The following NALCN variants were observed in gnomAD, a reference collection of about 807,000 sequenced individuals.
NALCN encodes sodium leak channel NALCN.
A neutral mutation model predicts 225.3 loss-of-function variants in NALCN; 111 were observed. The observed-to-expected ratio is 0.49, with a 90% CI of 0.42 to 0.58. The LOEUF (loss-of-function observed/expected upper bound fraction) is 0.58, where lower values mean the gene tolerates loss of function less well. Among genes scored for constraint, NALCN ranks in the 20% least tolerant of loss-of-function variants. NALCN has a pLI of 0.00. For synonymous variants in NALCN, 764 were observed against 769.0 expected, an observed-to-expected ratio of 0.99 and a Z score of 0.11; for missense variants, 1,378 against 2,202.4, an observed-to-expected ratio of 0.63 and a Z score of 7.49.
At chr13:101,099,804 C>T (rs2034708358) in intron 27 of NALCN, among the ~76,000 whole-genome samples, 1 of 152,266 alleles carries the variant, frequency 6.6e-6, no homozygotes, top group East Asian at 1.9e-4. Context: ...CTGTTATCTC[C>T]AGCTCATTGA....
chr13:101,298,643 G>A (rs774111038), intron 7 of NALCN, among the ~76,000 whole-genome samples: 4 of 152,192 alleles, frequency 2.6e-5, no homozygotes, highest in Non-Finnish European at 5.9e-5. Context: ...AATGAAAAAA[G>A]AGAGCGATGA....
intron 15 of NALCN, among the ~76,000 whole-genome samples, chr13:101,159,965 T>TTTA (rs1357404100): frequency 2.0e-5 from 3 of 151,750 alleles, no homozygotes. Flanking sequence ...TTTATTTTAT[T>TTTA]TTATTTTGAG....
Position 101,327,127 on chromosome 13 carries a change from G to A in NALCN, c.799+18139C>T, listed in dbSNP as rs375630743. Among the ~76,000 whole-genome samples, 5 of 152,126 alleles carry A rather than the reference G, an allele frequency of 3.3e-5. No individual in the cohort carries two copies. The East Asian group carries it at 7.7e-4, about 23-fold the overall frequency. On this transcript the variant is annotated intron_variant, in intron 7 of 43. Transcript: ENST00000251127. ...AGGGAGGCAATGTCACATGGCAAAT[G>A]GGTTATGTGTCCAGAGAAGCGACGA...
At chr13:101,360,189 CCTCTCTCTCTCTCTCTCT>C (rs759523803) in intron 6 of NALCN, among the ~76,000 whole-genome samples, 1,003 of 89,322 alleles carry the variant, frequency 0.011, 11 homozygotes, top group African/African-American at 0.036. Context: ...TTCCTCTCTT[CCTCTCTCTCTCTCTCTCT>C]CTCTCTCTCT....
At chr13:101,387,767 T>A (rs193018911) in intron 3 of NALCN, among the ~76,000 whole-genome samples, 1 of 152,298 alleles carries the variant, frequency 6.6e-6, no homozygotes, top group East Asian at 1.9e-4. Flanking sequence ...CTGAAAGGTA[T>A]AGAACTTCGA....
intron 11 of NALCN, 41 bp from the exon 12 acceptor site, chr13:101,237,963 A>G (rs2041623552): frequency 3.9e-6 from 6 of 1,533,232 alleles, no homozygotes; most frequent in South Asian, 2.4e-5. Context: ...ATTCAGAACT[A>G]TAATTTATTC....
At position 101,143,091 on chromosome 13, in the gene NALCN, T is replaced by C. The variant is rs983683922; in HGVS notation, c.2107A>G (p.Ile703Val). The C allele has an allele frequency of 3.1e-6, 5 of 1,613,982 alleles. No homozygotes were observed. The African/African-American group carries it at 5.3e-5, about 17-fold the overall frequency. ...ACAGCAGATCTTACTTTTTGGTCGA[T>C]GTATTTGTTGTCCTCAATTGCTGAG... ...KRSAIEDNKYIDQKLRKSVFS... is the reference protein window; with the variant it reads ...KRSAIEDNKYVDQKLRKSVFS... Residue 703 changes from isoleucine to valine, a missense_variant, in exon 17 of 44, where the codon ATC becomes GTC. Around this residue, in one of 19 missense-constraint regions of NALCN, gnomAD observed 100 missense variants for 89.4 expected, o/e 1.12. Transcript: ENST00000251127.
chr13:101,280,044 T>C (rs1000543800), intron 10 of NALCN, among the ~76,000 whole-genome samples: 3 of 152,106 alleles, frequency 2.0e-5, no homozygotes, highest in Non-Finnish European at 4.4e-5. Context: ...ATCTTCAATA[T>C]ATTTTTACTT....
Position 101,377,056 on chromosome 13 carries a change from C to A in NALCN, c.376G>T (p.Val126Leu). ...TCAACTATATCAGCAATTTCAAACA[C>A]CTACAAATTAAAAGATGGGTAAATG... Reference protein sequence around the residue: ...FCLWVSLVLQVFEIADIVDQM... With the variant: ...FCLWVSLVLQLFEIADIVDQM... Residue 126 changes from valine (V) to leucine (L), a missense_variant and splice_region_variant, in exon 5 of 44, where the codon GTG becomes TTG. Coordinates refer to ENST00000251127, the MANE Select transcript of NALCN (RefSeq NM_052867.4). 1.2e-6 allele frequency: 2 copies of A among 1,614,056 alleles called. No homozygotes were observed. The highest frequency in any genetic ancestry group is 1.7e-6 in the Non-Finnish European group (2 of 1,179,984).
At chr13:101,057,107 C>T (rs922538958) in intron 43 of NALCN, 2 of 152,194 alleles carry the variant, frequency 1.3e-5, no homozygotes, top group Non-Finnish European at 2.9e-5. Context: ...ATATGCTACA[C>T]ATCTTCTCCT....
At chr13:101,338,207 T>C (rs2045444682) in intron 7 of NALCN, among the ~76,000 whole-genome samples, 1 of 152,232 alleles carries the variant, frequency 6.6e-6, no homozygotes, top group Non-Finnish European at 1.5e-5. Flanking sequence ...ACAGCTCGTG[T>C]AGTGTTAAGG....
chr13:101,304,358 C>T (rs1458600699), intron 7 of NALCN, among the ~76,000 whole-genome samples: 7 of 152,136 alleles, frequency 4.6e-5, no homozygotes, highest in African/African-American at 1.2e-4. Context: ...TTTGCTGCAC[C>T]TATTGACCCA....
At chr13:101,073,853 A>G (rs923322387) in intron 36 of NALCN, among the ~76,000 whole-genome samples, 176 bp from the exon 37 acceptor site, 1 of 152,196 alleles carries the variant, frequency 6.6e-6, no homozygotes, top group Non-Finnish European at 1.5e-5. Context: ...CTCCAAGTAT[A>G]GCCGTCTGAA....
chr13:101,109,085 T>C (rs2035292844), intron 20 of NALCN, among the ~76,000 whole-genome samples: 1 of 152,204 alleles, frequency 6.6e-6, no homozygotes. Flanking sequence ...AAAGACATGT[T>C]CTGATTTGAT....
rs150927704 is a variant in NALCN at position 101,114,385 on chromosome 13, C to T, written c.2193-3159G>A. 1.1e-4 allele frequency among the ~76,000 whole-genome samples: 16 copies of T among 152,142 alleles called. No individual in the cohort carries two copies. The East Asian group carries it at 1.7e-3, about 17-fold the overall frequency. ...TTATTTCCTGTTGTATCTTTTCCCG[C>T]GTCATGGTGGATGTTATAACACTCT... On this transcript the variant is annotated intron_variant, in intron 18 of 43. Coordinates refer to ENST00000251127, the MANE Select transcript of NALCN (RefSeq NM_052867.4).
intron 15 of NALCN, among the ~76,000 whole-genome samples, chr13:101,157,430 G>A (rs1250552100): frequency 2.6e-5 from 4 of 152,112 alleles, no homozygotes; most frequent in Admixed American, 1.3e-4. Context: ...GAAATTTCAC[G>A]GTGACAGAAT....
chr13:101,078,824 T>A (rs537928692), intron 34 of NALCN, among the ~76,000 whole-genome samples: 1 of 152,222 alleles, frequency 6.6e-6, no homozygotes, highest in East Asian at 1.9e-4. Flanking sequence ...AATGATATGG[T>A]TTAACTGTGT....
At chr13:101,133,717 A>C (rs568075334) in intron 17 of NALCN, among the ~76,000 whole-genome samples, 1 of 152,318 alleles carries the variant, frequency 6.6e-6, no homozygotes, top group Non-Finnish European at 1.5e-5. Flanking sequence ...GCTTAGAAAA[A>C]AAATTTTAAA....
At chr13:101,289,277 C>A (rs1164117506) in intron 9 of NALCN, among the ~76,000 whole-genome samples, 1 of 152,094 alleles carries the variant, frequency 6.6e-6, no homozygotes, top group Non-Finnish European at 1.5e-5. Flanking sequence ...CTTCTGTTTT[C>A]CAGTTACATG....
Sources: gnomAD v4.1 joint callset for allele counts (sites outside exome capture counted in the v4.1 genomes callset) on GRCh38, gnomAD v4.1.1 for gene constraint, gnomAD v4.1.1 regional missense constraint, MANE v1.5 for transcripts, NCBI Gene and HGNC (gene_info 2026-07-23, HGNC 2026-07-21) for gene names.